The following ARID1B variants were observed in gnomAD, a reference collection of about 807,000 sequenced individuals.
The protein encoded by ARID1B is AT-rich interaction domain 1B.
ARID1B carries 30 observed loss-of-function variants against 212.3 expected under a neutral mutation model. The ratio of observed to expected loss-of-function variants is 0.14; its 90% CI spans 0.11 to 0.19. The LOEUF (loss-of-function observed/expected upper bound fraction) is 0.19, where lower values mean the gene tolerates loss of function less well. Ranked by LOEUF, ARID1B falls within the 10% of genes least tolerant of loss-of-function variation. The pLI, the probability that ARID1B is intolerant of heterozygous loss-of-function variation, is 1.00. For synonymous variants in ARID1B, 1,402 were observed against 1,301.7 expected (o/e 1.08, Z -1.66); for missense variants, 2,891 against 3,204.0 (o/e 0.90, Z 2.36).
At chr6:157,087,364 A>T (rs1008716519) in intron 5 of ARID1B, among the ~76,000 whole-genome samples, 1 of 152,214 alleles carries the variant, frequency 6.6e-6, no homozygotes, top group Non-Finnish European at 1.5e-5. Flanking sequence ...TTTGAACTTG[A>T]TGGACTTTCA....
At chr6:156,906,437 C>T (rs530620415) in intron 3 of ARID1B, among the ~76,000 whole-genome samples, 17 of 148,252 alleles carry the variant, frequency 1.1e-4, no homozygotes, top group African/African-American at 2.7e-4. Context: ...CCCAGCTACT[C>T]GGGAGGCTGA....
At chr6:156,912,884 A>G (rs1790009467) in intron 3 of ARID1B, among the ~76,000 whole-genome samples, 1 of 152,174 alleles carries the variant, frequency 6.6e-6, no homozygotes, top group East Asian at 1.9e-4. Flanking sequence ...AAAACAAAAC[A>G]AAAACGCCTT....
At chr6:156,919,918 A>G (rs1017914356) in intron 3 of ARID1B, among the ~76,000 whole-genome samples, 5 of 152,248 alleles carry the variant, frequency 3.3e-5, no homozygotes, top group African/African-American at 1.2e-4. Context: ...CTAAAGAGCA[A>G]TTAAGCTTCA....
chr6:157,154,263 C>T (rs1790395085), intron 8 of ARID1B, among the ~76,000 whole-genome samples: 1 of 152,178 alleles, frequency 6.6e-6, no homozygotes, highest in African/African-American at 2.4e-5. Flanking sequence ...TTCCTTAAGG[C>T]CTGCTACCCT....
chr6:157,206,922 C>T lies in ARID1B; in HGVS notation c.6150C>T (p.Asp2050=), dbSNP rs779936373. ...KLLEDEPRSR[D]ETPLCTIAHW... is the part of the protein sequence containing the mutation. ...TGGAGGACGAGCCCAGGAGCCGAGA[C>T]GAGACTCCTCTGTGTACCATCGCGC... The change falls in exon 20 of 20, where the codon GAC becomes GAT. Residue 2050 remains aspartate (D), a synonymous_variant. Coordinates refer to ENST00000636930, the MANE Select transcript of ARID1B (RefSeq NM_001374828.1). This position sits in a 1 kb window ranked among gnomAD's most constrained non-coding sequence, Gnocchi z 6.8. The T allele has an allele frequency of 1.1e-5, 17 of 1,614,052 alleles. No individual in the cohort carries two copies. Among genetic ancestry groups the T allele is most frequent in the Non-Finnish European group, 1.4e-5 (17 of 1,180,046 alleles).
At chr6:156,791,778 C>T (rs561969302) in intron 1 of ARID1B, among the ~76,000 whole-genome samples, 30 of 152,088 alleles carry the variant, frequency 2.0e-4, no homozygotes, top group South Asian at 1.0e-3. Flanking sequence ...GTGCAGGATC[C>T]GAAGAGCAAC....
chr6:157,007,424 C>T (rs79722124), intron 4 of ARID1B, among the ~76,000 whole-genome samples: 2,915 of 152,182 alleles, frequency 0.019, 107 homozygotes, highest in African/African-American at 0.067. Flanking sequence ...CTAGGGTCAA[C>T]GATTTTAGGC....
At chr6:157,175,413 C>G (rs1792035408) in intron 11 of ARID1B, 2 of 152,286 alleles carry the variant, frequency 1.3e-5, no homozygotes, top group Non-Finnish European at 2.9e-5. Flanking sequence ...AGTTTGGCCC[C>G]TGACCTGTAT....
chr6:156,859,571 A>G (rs1463150000), intron 2 of ARID1B, among the ~76,000 whole-genome samples: 4 of 152,152 alleles, frequency 2.6e-5, no homozygotes, highest in Non-Finnish European at 4.4e-5. Context: ...GCTGTAGTGC[A>G]CCTGTGTAAA....
chr6:157,133,302 G>A (rs1362290895), intron 7 of ARID1B, 95 bp downstream of exon 7: 46 of 1,333,884 alleles, frequency 3.4e-5, no homozygotes, highest in Non-Finnish European at 3.5e-5. Flanking sequence ...TAAACATATC[G>A]TAAGATCCAT....
chr6:157,034,553 G>A lies in ARID1B; in HGVS notation c.2248-50109G>A, dbSNP rs544127516. On this transcript the variant is annotated intron_variant, in intron 4 of 19. Coordinates refer to ENST00000636930, the MANE Select transcript of ARID1B (RefSeq NM_001374828.1). ...TTCTGTTATTGTTGTTCAAATTTAT[G>A]ACAAAAGGAACAAAAAAGCTTAGCT... 1.3e-3 allele frequency among the ~76,000 whole-genome samples: 205 copies of A among 152,278 alleles called. 1 individual carries two copies. Among genetic ancestry groups the A allele is most frequent in the African/African-American group, 4.7e-3 (194 of 41,556 alleles).
chr6:157,123,245 C>CCCG (rs1562637140), intron 6 of ARID1B, among the ~76,000 whole-genome samples: 1 of 120,344 alleles, frequency 8.3e-6, no homozygotes, highest in Non-Finnish European at 1.7e-5. Flanking sequence ...CCCGCCCCCC[C>CCCG]CCCACACACA....
intron 4 of ARID1B, among the ~76,000 whole-genome samples, chr6:157,065,127 T>G (rs1264802426): frequency 6.6e-6 from 1 of 152,240 alleles, no homozygotes; most frequent in Admixed American, 6.5e-5. Flanking sequence ...AATTCACCTC[T>G]CCACGTCCCT....
At chr6:156,805,365 A>G (rs1486496421) in intron 1 of ARID1B, among the ~76,000 whole-genome samples, 1 of 152,206 alleles carries the variant, frequency 6.6e-6, no homozygotes, top group African/African-American at 2.4e-5. Context: ...CATTTTTTGT[A>G]AAATGGGAAT....
chr6:157,177,994 A>G (rs1792221369), intron 11 of ARID1B, among the ~76,000 whole-genome samples: 1 of 152,186 alleles, frequency 6.6e-6, no homozygotes, highest in Non-Finnish European at 1.5e-5. Context: ...CATGCTCTCT[A>G]TTCACTAAGT....
chr6:157,138,689 G>A (rs1789118484), intron 7 of ARID1B, among the ~76,000 whole-genome samples: 1 of 152,154 alleles, frequency 6.6e-6, no homozygotes, highest in Non-Finnish European at 1.5e-5. Context: ...TAGATTCTGT[G>A]CAGGTCACTC....
chr6:156,990,958 T>C (rs1379929703), intron 4 of ARID1B, among the ~76,000 whole-genome samples: 1 of 152,228 alleles, frequency 6.6e-6, no homozygotes, highest in Non-Finnish European at 1.5e-5. Flanking sequence ...CTAACATTGA[T>C]TGAGGGTTTA....
At chr6:157,112,427 T>C (rs1786991523) in intron 6 of ARID1B, among the ~76,000 whole-genome samples, 1 of 152,146 alleles carries the variant, frequency 6.6e-6, no homozygotes. Context: ...AAAAAGGAAA[T>C]TGTCTTGCAC....
At chr6:157,086,387 T>C (rs1784969541) in intron 5 of ARID1B, among the ~76,000 whole-genome samples, 1 of 152,224 alleles carries the variant, frequency 6.6e-6, no homozygotes, top group African/African-American at 2.4e-5. Context: ...CTATGAATAC[T>C]CTGTAGTCTA....
Sources: gnomAD v4.1 joint callset for allele counts (sites outside exome capture counted in the v4.1 genomes callset) on GRCh38, gnomAD v4.1.1 for gene constraint, Gnocchi (gnomAD v3.1) non-coding constraint, MANE v1.5 for transcripts, NCBI Gene and HGNC (gene_info 2026-07-23, HGNC 2026-07-21) for gene names.